Variants in USP8 observed in about 807,000 individuals in gnomAD.
USP8 encodes the protein ubiquitin carboxyl-terminal hydrolase 8.
A neutral mutation model predicts 130.0 loss-of-function variants in USP8; 27 were observed. That is an observed-to-expected ratio of 0.21 (90% confidence interval 0.15 to 0.29). The LOEUF is 0.29. Ranked by LOEUF, USP8 falls within the 10% of genes least tolerant of loss-of-function variation. The probability of loss-of-function intolerance (pLI) is 1.00; values close to 1 mark genes in which losing one functional copy is unlikely to be tolerated. For synonymous variants in USP8, 392 were observed against 444.1 expected, an observed-to-expected ratio of 0.88 and a Z score of 1.48; for missense variants, 1,029 against 1,312.2, an observed-to-expected ratio of 0.78 and a Z score of 3.33.
At chr15:50,487,039 G>A (rs1054315560) in intron 12 of USP8, among the ~76,000 whole-genome samples, 6 of 151,598 alleles carry the variant, frequency 4.0e-5, no homozygotes, top group Admixed American at 2.0e-4. Context: ...CAGGAGAACC[G>A]CTTGAACCCA....
chr15:50,426,646 A>T (rs1391071836), intron 1 of USP8, among the ~76,000 whole-genome samples: 2 of 152,198 alleles, frequency 1.3e-5, no homozygotes, highest in African/African-American at 4.8e-5. Context: ...TAGCCTCTTC[A>T]CGTGACTTGA....
chr15:50,444,109 T>G (rs890248264), intron 3 of USP8, among the ~76,000 whole-genome samples: 16 of 149,594 alleles, frequency 1.1e-4, no homozygotes, highest in East Asian at 5.8e-4. Flanking sequence ...TTTTTTTTTT[T>G]TTTTTTTTTT....
rs2051383361 is a variant in USP8, at chr15:50,471,734, G to T, written c.788G>T (p.Ser263Ile). 6.2e-7 allele frequency: 1 copy of T among 1,614,090 alleles called. No individual in the cohort carries two copies. The highest frequency in any genetic ancestry group is 8.5e-7 in the Non-Finnish European group (1 of 1,180,022). The change falls in exon 8 of 20, where the codon AGT becomes ATT. Residue 263 changes from serine to isoleucine, a missense_variant. Ser to Ile is a moderately radical substitution (Grantham distance 142). Transcript: ENST00000307179. ...VEYVVLLDWFSSAKDLQIGTT... is the reference protein window; with the variant it reads ...VEYVVLLDWFISAKDLQIGTT... ...TATGTGGTACTTCTTGACTGGTTTA[G>T]TTCTGCCAAAGATTTACAGATTGGA...
At position 50,495,486 on chromosome 15, in the gene USP8, A is replaced by AGGG. The variant is rs553634288; in HGVS notation, c.2659-356_2659-354dup. ...TTTTTCTTTTTTTAGTAGAGATTGGAGGGGGGGGTCTCACTATGTTGCACA... is the reference window on the plus strand; with the variant it reads ...TTTTTCTTTTTTTAGTAGAGATTGGAGGGGGGGGGGGTCTCACTATGTTGCACA... On this transcript the variant is annotated intron_variant, in intron 16 of 19. Coordinates refer to ENST00000307179, the MANE Select transcript of USP8 (RefSeq NM_005154.5). Among the ~76,000 whole-genome samples the AGGG allele has an allele frequency of 4.7e-5, 5 of 106,838 alleles. 1 individual carries two copies. The highest frequency in any genetic ancestry group is 7.1e-4 in the South Asian group (2 of 2,804). 70.1% of individuals were successfully genotyped at this position (106,838 alleles called of 152,430 possible).
At chr15:50,485,083 C>G (rs141256004) in intron 12 of USP8, among the ~76,000 whole-genome samples, 2 of 152,278 alleles carry the variant, frequency 1.3e-5, no homozygotes, top group Non-Finnish European at 2.9e-5. Context: ...CTTAGTATCA[C>G]TAACCAGTGC....
chr15:50,501,216 CTG>C lies in USP8; in HGVS notation c.*2129_*2130del, dbSNP rs2141337415. 1 of 171,216 alleles carries C rather than the reference CTG, an allele frequency of 5.8e-6. No individual in the cohort carries two copies. Among genetic ancestry groups the C allele is most frequent in the South Asian group, 1.3e-4 (1 of 7,536 alleles). 10.6% of individuals were successfully genotyped at this position (171,216 alleles called of 1,614,324 possible). On this transcript the variant is annotated 3_prime_UTR_variant, in exon 20 of 20. Coordinates refer to ENST00000307179, the MANE Select transcript of USP8 (RefSeq NM_005154.5). ...GGCTCACACCTGTAATCCCAACACT[CTG>C]GGAGGCTGAGGCAGGTGGATTGCTT... is the stretch of plus-strand genomic sequence containing the variant.
intron 4 of USP8, among the ~76,000 whole-genome samples, chr15:50,452,887 A>T (rs1196435839): frequency 6.6e-6 from 1 of 152,232 alleles, no homozygotes; most frequent in Non-Finnish European, 1.5e-5. Context: ...CTTGTTCTGT[A>T]ACACCTTTCG....
At chr15:50,488,552 CTTTTTTTTTTT>C (rs397853938) in intron 12 of USP8, among the ~76,000 whole-genome samples, 16 of 70,894 alleles carry the variant, frequency 2.3e-4, no homozygotes, top group South Asian at 1.3e-3. Context: ...TCAAGGTTGG[CTTTTTTTTTTT>C]TTTTTTTTTT....
chr15:50,508,327 A>C lies in USP8; in HGVS notation c.*9239A>C, dbSNP rs374127152. On this transcript the variant is annotated 3_prime_UTR_variant, in exon 20 of 20. Coordinates refer to ENST00000307179, the MANE Select transcript of USP8 (RefSeq NM_005154.5). ...GTCTTAAAAATAATACGATGCCAAG[A>C]AGAGAGTGGGTCAGTATTAAGATGA... The C allele has an allele frequency of 6.6e-6, 1 of 152,178 alleles. No homozygotes were observed. The highest frequency in any genetic ancestry group is 1.9e-4 in the East Asian group (1 of 5,194). The allele number at this position is 152,178 out of a possible 1,614,324, so 9.4% of individuals were successfully genotyped here.
chr15:50,498,448 C>T lies in USP8; in HGVS notation c.3039-148C>T. ...GTAAAATGGAAATGAAGCCAAATGT[C>T]TTTAACAGGTTCCTCTACTACTAAA... is the stretch of plus-strand genomic sequence containing the variant. On this transcript the variant is annotated intron_variant, in intron 18 of 19. Transcript: ENST00000307179. 2.8e-6 allele frequency: 3 copies of T among 1,053,994 alleles called. No homozygotes were observed. The South Asian group carries it at 6.4e-5, about 23-fold the overall frequency. 65.3% of individuals were successfully genotyped at this position (1,053,994 alleles called of 1,614,324 possible).
In USP8 at chr15:50,503,721, T is replaced by C. The variant is rs185136808; in HGVS notation, c.*4633T>C. ...AATCCTGTGAACTTAATATGAAAAG[T>C]ATTTCTAGGGCAGTTGCCAGAAGGA... On this transcript the variant is annotated 3_prime_UTR_variant, in exon 20 of 20. Coordinates refer to ENST00000307179, the MANE Select transcript of USP8 (RefSeq NM_005154.5). 7 of 152,332 alleles carry C rather than the reference T, an allele frequency of 4.6e-5. No homozygotes were observed. The East Asian group carries it at 1.4e-3, about 29-fold the overall frequency. 9.4% of individuals were successfully genotyped at this position (152,332 alleles called of 1,614,324 possible).
At position 50,462,287 on chromosome 15, in the gene USP8, G is replaced by T; in HGVS notation, c.506G>T (p.Gly169Val). 6.2e-7 allele frequency: 1 copy of T among 1,601,624 alleles called. No homozygotes were observed. The highest frequency in any genetic ancestry group is 8.5e-7 in the Non-Finnish European group (1 of 1,176,790). The change falls in exon 6 of 20, where the codon GGT (glycine) becomes GTT (valine). Residue 169 changes from glycine to valine, a missense_variant. Physicochemically the swap from Gly to Val is moderately radical, Grantham distance 109. Transcript: ENST00000307179. ...DSKDKTQKSN[G>V]EKNEKCETKE... ...TTTTTTCCTATGCAATAGAGCAATG[G>T]TGAAAAGAATGAAAAATGTGAGACC...
chr15:50,484,237 A>C (rs770397777), intron 11 of USP8, 38 bp from the exon 12 acceptor site: 9 of 1,523,572 alleles, frequency 5.9e-6, no homozygotes, highest in Non-Finnish European at 8.1e-6. Flanking sequence ...GGAGAATTAA[A>C]GTTTTCTTTC....
intron 8 of USP8, among the ~76,000 whole-genome samples, chr15:50,473,439 A>C (rs1036245245): frequency 3.3e-5 from 5 of 152,220 alleles, no homozygotes; most frequent in African/African-American, 1.2e-4. Context: ...GTACATGCTC[A>C]GTACAGACAT....
chr15:50,466,416 T>G (rs1262741663), intron 7 of USP8, among the ~76,000 whole-genome samples: 1 of 151,926 alleles, frequency 6.6e-6, no homozygotes, highest in Non-Finnish European at 1.5e-5. Context: ...CTGGCCAACA[T>G]GGTGAAACCC....
At chr15:50,463,217 G>A (rs1284799131) in intron 6 of USP8, among the ~76,000 whole-genome samples, 1 of 152,152 alleles carries the variant, frequency 6.6e-6, no homozygotes, top group Non-Finnish European at 1.5e-5. Flanking sequence ...CCACTGTACT[G>A]CAGCCTATGA....
Position 50,476,976 on chromosome 15 carries a change from A to G in USP8, c.977A>G (p.Glu326Gly), listed in dbSNP as rs1374375591. The stretch of plus-strand genomic sequence containing the variant: ...ACTCCACCCCCACGACGCCAGAATG[A>G]AGAGGTGTCTATCTCATGTATGTAT... ...KVTPPPRRQN[E>G]EVSISLDFTY... is the part of the protein sequence containing the mutation. Residue 326 changes from glutamate (E) to glycine (G), a missense_variant, in exon 9 of 20, where the codon GAA becomes GGA. By Grantham distance (98) the Glu-to-Gly change is moderately conservative (BLOSUM62 -2). Around this residue, in one of 4 missense-constraint regions of USP8, gnomAD observed 486 missense variants for 522.0 expected, o/e 0.93. Transcript: ENST00000307179. 6.2e-7 allele frequency: 1 copy of G among 1,606,900 alleles called. No individual in the cohort carries two copies. The highest frequency in any genetic ancestry group is 1.3e-5 in the African/African-American group (1 of 74,502).
intron 3 of USP8, 28 bp from the exon 4 acceptor site, chr15:50,449,372 A>T: frequency 6.8e-7 from 1 of 1,470,092 alleles, no homozygotes; most frequent in African/African-American, 1.4e-5. Context: ...AGAACTAACA[A>T]TATGGGATGG....
At chr15:50,442,605 C>T (rs1435802504) in intron 3 of USP8, among the ~76,000 whole-genome samples, 4 of 151,906 alleles carry the variant, frequency 2.6e-5, no homozygotes, top group Admixed American at 2.0e-4. Context: ...ACTAGCTGGG[C>T]GTAGTGGCGG....
Sources: gnomAD v4.1 joint callset for allele counts (sites outside exome capture counted in the v4.1 genomes callset) on GRCh38, gnomAD v4.1.1 for gene constraint, gnomAD v4.1.1 regional missense constraint, MANE v1.5 for transcripts, NCBI Gene and HGNC (gene_info 2026-07-23, HGNC 2026-07-21) for gene names.